ABCC4: variants seen among roughly 807,000 people sequenced by gnomAD.
ABCC4 encodes ATP binding cassette subfamily C member 4 (PEL blood group).
Under a neutral mutation model 168.5 loss-of-function variants are expected in ABCC4, and 102 were observed. That is an observed-to-expected ratio of 0.61 (90% CI 0.52 to 0.71). ABCC4 has a LOEUF of 0.71. ABCC4 is among the 30% of genes least tolerant of loss of function. ABCC4 has a pLI of 0.00. For synonymous variants in ABCC4, 617 were observed against 590.7 expected, an observed-to-expected ratio of 1.04 and a Z score of -0.65; for missense variants, 1,402 against 1,605.8, an observed-to-expected ratio of 0.87 and a Z score of 2.17.
chr13:95,060,653 G>C (rs2033252102), intron 26 of ABCC4, among the ~76,000 whole-genome samples: 1 of 152,174 alleles, frequency 6.6e-6, no homozygotes, highest in Non-Finnish European at 1.5e-5. Flanking sequence ...TAGCCAGAGG[G>C]AATCTAACGT....
chr13:95,050,792 T>G (rs557476738), intron 27 of ABCC4, among the ~76,000 whole-genome samples: 100 of 152,336 alleles, frequency 6.6e-4, no homozygotes, highest in African/African-American at 2.2e-3. Context: ...AAGTATGAGT[T>G]ACAGTCAAGT....
At chr13:95,255,700 A>G (rs2040376262) in intron 1 of ABCC4, among the ~76,000 whole-genome samples, 1 of 152,106 alleles carries the variant, frequency 6.6e-6, no homozygotes, top group South Asian at 2.1e-4. Flanking sequence ...TGTTGTTTCT[A>G]TGTCAACCTA....
chr13:95,115,821 A>G, intron 20 of ABCC4, 101 bp downstream of exon 20: 1 of 900,964 alleles, frequency 1.1e-6, no homozygotes, highest in Admixed American at 2.3e-5. Context: ...CATTACACAC[A>G]GCCAGGCCGA....
Position 95,058,582 on chromosome 13 carries a change from A to G in ABCC4, c.3366+4122T>C, listed in dbSNP as rs1247151728. Among the ~76,000 whole-genome samples, 7 of 59,272 alleles carry G rather than the reference A, an allele frequency of 1.2e-4. No homozygotes were observed. In the East Asian group the frequency reaches 2.4e-3, roughly 20 times the overall value. 38.9% of individuals were successfully genotyped at this position (59,272 alleles called of 152,430 possible). On this transcript the variant is annotated intron_variant, in intron 26 of 30. Coordinates refer to ENST00000645237, the MANE Select transcript of ABCC4 (RefSeq NM_005845.5). ...GACTCCATCTCAAAAAAAAAAAAAAAAAAAAAAAAAGAAAAGAAAAAGAAA... is the reference window on the plus strand; with the variant it reads ...GACTCCATCTCAAAAAAAAAAAAAAGAAAAAAAAAAGAAAAGAAAAAGAAA...
chr13:95,100,653 T>C (rs2034766435), intron 20 of ABCC4, among the ~76,000 whole-genome samples: 1 of 152,160 alleles, frequency 6.6e-6, no homozygotes, highest in Admixed American at 6.5e-5. Flanking sequence ...TCATTATCTC[T>C]AGGGCTGGCA....
chr13:95,157,344 A>C (rs1485152735), intron 19 of ABCC4, among the ~76,000 whole-genome samples: 1 of 151,974 alleles, frequency 6.6e-6, no homozygotes, highest in African/African-American at 2.4e-5. Context: ...AAAAAAAAAA[A>C]AATTAGCCGG....
chr13:95,229,495 C>T (rs1204862618), intron 4 of ABCC4, among the ~76,000 whole-genome samples: 1 of 152,172 alleles, frequency 6.6e-6, no homozygotes, highest in African/African-American at 2.4e-5. Flanking sequence ...TGTAGCTTTA[C>T]CTGGCATTCA....
chr13:95,194,949 G>A lies in ABCC4; in HGVS notation c.1162-12C>T, dbSNP rs547984952. 3 of 1,605,974 alleles carry A rather than the reference G, an allele frequency of 1.9e-6. No homozygotes were observed. Among genetic ancestry groups the A allele is most frequent in the South Asian group, 2.2e-5 (2 of 89,572 alleles). ...AGTAGCAAAAAGGTCTAAAGAAAAT[G>A]GGAAAAACACAGATTGTTTAAATTA... On this transcript the variant is annotated splice_polypyrimidine_tract_variant and intron_variant, in intron 8 of 30. Transcript: ENST00000645237.
chr13:95,223,264 C>T (rs7325019), intron 4 of ABCC4, among the ~76,000 whole-genome samples: 116,374 of 152,072 alleles, frequency 0.77, 44,999 homozygotes, highest in Non-Finnish European at 0.84. Flanking sequence ...CAATAAAAAA[C>T]CTTAGACATG....
chr13:95,062,687 CG>C lies in ABCC4; in HGVS notation c.3366+16del. On this transcript the variant is annotated intron_variant, in intron 26 of 30. Transcript: ENST00000645237. ...CTCTTATAAAAGGGGCAGGTAAGGA[CG>C]CTATGACTTGCATACCTGAGGTATG... 6.2e-7 allele frequency: 1 copy of C among 1,609,590 alleles called. No individual in the cohort carries two copies. The highest frequency in any genetic ancestry group is 8.5e-7 in the Non-Finnish European group (1 of 1,177,316).
chr13:95,150,573 T>C (rs1176288973), intron 19 of ABCC4, among the ~76,000 whole-genome samples: 1 of 152,102 alleles, frequency 6.6e-6, no homozygotes, highest in Admixed American at 6.5e-5. Context: ...AGAGCTTCTA[T>C]TTAAACGAGG....
chr13:95,118,730 C>T (rs937484158), intron 19 of ABCC4, among the ~76,000 whole-genome samples: 2 of 152,158 alleles, frequency 1.3e-5, no homozygotes, highest in African/African-American at 2.4e-5. Context: ...CCAGGGATGT[C>T]GAGAGAAGAG....
chr13:95,064,520 T>TGA (rs2033451390), intron 25 of ABCC4, among the ~76,000 whole-genome samples: 1 of 144,346 alleles, frequency 6.9e-6, no homozygotes, highest in African/African-American at 2.9e-5. Flanking sequence ...TGTATGTGTG[T>TGA]GTGTGTGTGT....
chr13:95,177,640 G>T, intron 13 of ABCC4, 67 bp downstream of exon 13: 1 of 1,359,910 alleles, frequency 7.4e-7, no homozygotes, highest in Non-Finnish European at 1.0e-6. Flanking sequence ...AGCCATAAAG[G>T]CTTTCCTGAG....
chr13:95,188,617 A>G (rs2038147517), intron 9 of ABCC4, 75 bp from the exon 10 acceptor site: 1 of 1,208,138 alleles, frequency 8.3e-7, no homozygotes, highest in Non-Finnish European at 1.2e-6. Context: ...GAAGAAAACA[A>G]TACAACAGTC....
At chr13:95,290,282 T>C (rs187130086) in intron 1 of ABCC4, among the ~76,000 whole-genome samples, 142 of 152,262 alleles carry the variant, frequency 9.3e-4, no homozygotes, top group South Asian at 1.7e-3. Context: ...AACTGCTATG[T>C]AATCTAAAAA....
chr13:95,201,691 G>A (rs996998211), intron 8 of ABCC4, among the ~76,000 whole-genome samples: 6 of 152,100 alleles, frequency 3.9e-5, no homozygotes, highest in African/African-American at 1.4e-4. Flanking sequence ...GTGTGTGATG[G>A]GCCGGGTGCG....
intron 1 of ABCC4, among the ~76,000 whole-genome samples, chr13:95,289,709 T>C (rs2041343753): frequency 6.6e-6 from 1 of 151,932 alleles, no homozygotes; most frequent in South Asian, 2.1e-4. Flanking sequence ...GCCAGAAAAA[T>C]GGAAATATGC....
intron 19 of ABCC4, among the ~76,000 whole-genome samples, chr13:95,135,416 C>CTTT (rs1226284769): frequency 3.6e-5 from 5 of 138,902 alleles, no homozygotes; most frequent in Non-Finnish European, 6.3e-5. Flanking sequence ...GTCCATAATT[C>CTTT]TTTTTTTTTT....
Sources: allele counts gnomAD v4.1 joint callset (sites outside exome capture counted in the v4.1 genomes callset), GRCh38; gene constraint gnomAD v4.1.1; transcripts MANE v1.5; gene names NCBI Gene and HGNC (gene_info 2026-07-23, HGNC 2026-07-21).